SRPK2: variants seen among roughly 807,000 people sequenced by gnomAD.
SRPK2 encodes the protein SRSF protein kinase 2.
A neutral mutation model predicts 90.8 loss-of-function variants in SRPK2; 21 were observed. That is an observed-to-expected ratio of 0.23 (90% CI 0.16 to 0.33). The LOEUF is 0.33. Among genes scored for constraint, SRPK2 ranks in the 10% least tolerant of loss-of-function variants. The pLI is 1.00. For missense variants in SRPK2, 620 were observed against 869.0 expected (o/e 0.71, Z 3.60); for synonymous variants, 288 against 311.1 (o/e 0.93, Z 0.78).
At chr7:105,300,960 G>C (rs1016322512) in intron 2 of SRPK2, among the ~76,000 whole-genome samples, 1 of 152,174 alleles carries the variant, frequency 6.6e-6, no homozygotes, top group Non-Finnish European at 1.5e-5. Flanking sequence ...ACAGTGTGGC[G>C]ATTCCTCAAG....
chr7:105,343,176 A>T (rs1816030387), intron 2 of SRPK2, among the ~76,000 whole-genome samples: 1 of 152,170 alleles, frequency 6.6e-6, no homozygotes, highest in South Asian at 2.1e-4. Context: ...TTTGCACCTG[A>T]AAACCCAGCA....
chr7:105,216,007 G>A (rs892493702), intron 2 of SRPK2, among the ~76,000 whole-genome samples: 1 of 147,252 alleles, frequency 6.8e-6, no homozygotes, highest in Non-Finnish European at 1.5e-5. Context: ...AATATGCCAC[G>A]ATCACACCTG....
intron 7 of SRPK2, among the ~76,000 whole-genome samples, chr7:105,155,714 C>T (rs1290291720): frequency 2.6e-5 from 4 of 152,106 alleles, no homozygotes; most frequent in Non-Finnish European, 2.9e-5. Flanking sequence ...CTGTGAGAAG[C>T]CTTTGTCACA....
rs1563080774 is a variant in SRPK2 at position 105,205,556 on chromosome 7, CA to C, written c.72-1772del. Among the ~76,000 whole-genome samples, 7 of 145,616 alleles carry C rather than the reference CA, an allele frequency of 4.8e-5. No homozygotes were observed. The East Asian group carries it at 1.4e-3, about 30-fold the overall frequency. Reference sequence around the variant, plus strand: ...ACACACACACACACACACACACACACACACACACACACACCACTTCCAGAAT... The same window carrying C: ...ACACACACACACACACACACACACACCACACACACACACCACTTCCAGAAT... On this transcript the variant is annotated intron_variant, in intron 2 of 15. Transcript: ENST00000393651.
chr7:105,244,238 G>A (rs1396645465), intron 2 of SRPK2, among the ~76,000 whole-genome samples: 1 of 152,204 alleles, frequency 6.6e-6, no homozygotes, highest in Non-Finnish European at 1.5e-5. Flanking sequence ...CTGTTCAGAA[G>A]GCAGTAAAAC....
intron 2 of SRPK2, among the ~76,000 whole-genome samples, chr7:105,250,339 TAAACAAACAAAC>T (rs58664882): frequency 0.011 from 1,610 of 151,198 alleles, 23 homozygotes; most frequent in African/African-American, 0.037. Context: ...AAACTCTGTC[TAAACAAACAAAC>T]AAACAAACAA....
intron 2 of SRPK2, among the ~76,000 whole-genome samples, chr7:105,362,422 T>C (rs1191955075): frequency 2.0e-5 from 3 of 151,570 alleles, no homozygotes; most frequent in South Asian, 4.2e-4. Context: ...CCTGGCTAAC[T>C]TGGTGAATGG....
chr7:105,197,011 C>A (rs1795000497), intron 3 of SRPK2, among the ~76,000 whole-genome samples: 1 of 152,030 alleles, frequency 6.6e-6, no homozygotes, highest in South Asian at 2.1e-4. Flanking sequence ...TGCAGCATTG[C>A]ACTCCAGCCT....
chr7:105,195,199 G>A lies in SRPK2; in HGVS notation c.229+8429C>T, dbSNP rs146330027. ...CGAGGAGCTGGGACTACAGGCGCGT[G>A]CCACCGTGCCCGGCTAATTTTTTGT... On this transcript the variant is annotated intron_variant, in intron 3 of 15. Coordinates refer to ENST00000393651, the MANE Select transcript of SRPK2 (RefSeq NM_182692.3). Among the ~76,000 whole-genome samples, 462 of 152,292 alleles carry A rather than the reference G, an allele frequency of 3.0e-3. 14 individuals carry two copies. The East Asian group carries it at 0.062, about 20-fold the overall frequency.
intron 15 of SRPK2, among the ~76,000 whole-genome samples, chr7:105,125,366 C>A (rs1801041124): frequency 6.6e-6 from 1 of 152,096 alleles, no homozygotes. Flanking sequence ...ATTTCACAGG[C>A]CTACACCCAC....
intron 2 of SRPK2, among the ~76,000 whole-genome samples, chr7:105,355,180 T>C (rs12334245): frequency 0.27 from 41,590 of 152,080 alleles, 6,219 homozygotes; most frequent in Middle Eastern, 0.34. Flanking sequence ...TGATCAACAA[T>C]GTTGCTCTTT....
At chr7:105,198,318 A>G (rs2385542) in intron 3 of SRPK2, among the ~76,000 whole-genome samples, 126,952 of 152,122 alleles carry the variant, frequency 0.83, 53,628 homozygotes, top group Non-Finnish European at 0.88. Flanking sequence ...CTTCCCACAA[A>G]AGGAGGTTTG....
At chr7:105,232,921 G>A (rs1420058295) in intron 2 of SRPK2, among the ~76,000 whole-genome samples, 1 of 152,006 alleles carries the variant, frequency 6.6e-6, no homozygotes, top group Non-Finnish European at 1.5e-5. Context: ...CCTGAGGCAG[G>A]AGAATCACTT....
At chr7:105,284,515 G>T (rs923277989) in intron 2 of SRPK2, among the ~76,000 whole-genome samples, 1 of 152,128 alleles carries the variant, frequency 6.6e-6, no homozygotes, top group African/African-American at 2.4e-5. Context: ...CAAATTTAAA[G>T]ATTCAACAGG....
intron 2 of SRPK2, among the ~76,000 whole-genome samples, chr7:105,347,112 G>GC (rs1816556546): frequency 6.6e-6 from 1 of 150,986 alleles, no homozygotes; most frequent in Non-Finnish European, 1.5e-5. Context: ...AGGCTGAAGT[G>GC]CAGTGGGCAT....
At chr7:105,183,463 C>T (rs759792254) in intron 3 of SRPK2, among the ~76,000 whole-genome samples, 8 of 151,906 alleles carry the variant, frequency 5.3e-5, no homozygotes, top group East Asian at 1.9e-4. Flanking sequence ...AAATGGCTAG[C>T]GGGTTTTTTT....
intron 2 of SRPK2, among the ~76,000 whole-genome samples, chr7:105,216,563 A>T (rs1797491210): frequency 6.6e-6 from 1 of 151,816 alleles, no homozygotes; most frequent in African/African-American, 2.4e-5. Context: ...CTGAAGCAGG[A>T]GAATCACTTT....
upstream of SRPK2, among the ~76,000 whole-genome samples, chr7:105,394,147 T>TTCTTTC (rs1266672572): frequency 1.1e-4 from 16 of 145,880 alleles, no homozygotes; most frequent in African/African-American, 4.0e-4. Context: ...CTTTCTTTCT[T>TTCTTTC]TTTTTTTTTT....
chr7:105,247,747 G>T (rs2129629389), intron 2 of SRPK2, among the ~76,000 whole-genome samples: 1 of 151,940 alleles, frequency 6.6e-6, no homozygotes, highest in East Asian at 1.9e-4. Flanking sequence ...TTTTTATAGA[G>T]ATGGTACCTC....
Sources: allele counts gnomAD v4.1 joint callset (sites outside exome capture counted in the v4.1 genomes callset), GRCh38; gene constraint gnomAD v4.1.1; transcripts MANE v1.5; gene names NCBI Gene and HGNC (gene_info 2026-07-23, HGNC 2026-07-21).